Variants in FAP observed in about 807,000 individuals in gnomAD.
FAP encodes prolyl endopeptidase FAP.
A neutral mutation model predicts 126.5 loss-of-function variants in FAP; 110 were observed. The ratio of observed to expected loss-of-function variants is 0.87; its 90% CI spans 0.74 to 1.02. FAP has a LOEUF of 1.02. FAP is among the 50% of genes least tolerant of loss of function. The probability of loss-of-function intolerance (pLI) is 0.00; values close to 1 mark genes in which losing one functional copy is unlikely to be tolerated. For missense variants in FAP, 919 were observed against 909.2 expected (o/e 1.01, Z -0.14); for synonymous variants, 334 against 297.3 (o/e 1.12, Z -1.27).
At chr2:162,195,553 T>C (rs962681754) in intron 16 of FAP, among the ~76,000 whole-genome samples, 7 of 151,778 alleles carry the variant, frequency 4.6e-5, no homozygotes, top group Non-Finnish European at 8.8e-5. Flanking sequence ...CGTGCTCAGC[T>C]GTAAGTTGTC....
At chr2:162,198,486 C>A (rs1420870969) in intron 16 of FAP, 2 of 704,890 alleles carry the variant, frequency 2.8e-6, no homozygotes, top group Admixed American at 6.6e-5. Context: ...GAGGCAACAG[C>A]ACTTGCTTCA....
Position 162,170,696 on chromosome 2 carries a change from T to G in FAP, c.*283A>C. ...ACAGACAACACAATAGCACTTGAACTTCTGACTTTATTATTTTTCTTCAAA... is the reference window on the plus strand; with the variant it reads ...ACAGACAACACAATAGCACTTGAACGTCTGACTTTATTATTTTTCTTCAAA... On this transcript the variant is annotated 3_prime_UTR_variant, in exon 26 of 26. Coordinates refer to ENST00000188790, the MANE Select transcript of FAP (RefSeq NM_004460.5). 2 of 323,492 alleles carry G rather than the reference T, an allele frequency of 6.2e-6. No homozygotes were observed. Among genetic ancestry groups the G allele is most frequent in the South Asian group, 8.3e-5 (2 of 24,002 alleles). The allele number at this position is 323,492 out of a possible 1,614,324, so 20.0% of individuals were successfully genotyped here. A position where few individuals can be genotyped will look rare whatever the true frequency, so the allele number is the denominator to read the frequency against.
intron 2 of FAP, among the ~76,000 whole-genome samples, chr2:162,241,907 T>A (rs1371986065): frequency 6.6e-6 from 1 of 152,194 alleles, no homozygotes; most frequent in Non-Finnish European, 1.5e-5. Context: ...ATCTCATGAT[T>A]ATTTTTAATT....
chr2:162,216,067 T>A, intron 9 of FAP, 66 bp from the exon 10 acceptor site: 1 of 1,128,378 alleles, frequency 8.9e-7, no homozygotes, highest in South Asian at 1.3e-5. Context: ...TTAAAGAAAC[T>A]TTAGGAATTT....
chr2:162,219,859 A>T lies in FAP; in HGVS notation c.480T>A (p.Ser160Arg). 1 of 1,606,144 alleles carries T rather than the reference A, an allele frequency of 6.2e-7. No individual in the cohort carries two copies. Among genetic ancestry groups the T allele is most frequent in the East Asian group, 2.2e-5 (1 of 44,788 alleles). The change falls in exon 7 of 26, where the codon AGT becomes AGA. Residue 160 changes from serine to arginine, a missense_variant. By Grantham distance (110) the Ser-to-Arg change is moderately radical. Coordinates refer to ENST00000188790, the MANE Select transcript of FAP (RefSeq NM_004460.5). ...IQYLCWSPVGSKLAYVYQNNI... is the reference protein window; with the variant it reads ...IQYLCWSPVGRKLAYVYQNNI... ...CAAAAATTTAAACACTTACTAATTTACTCCCAACAGGCGACCAGCATAAAT... is the reference window on the plus strand; with the variant it reads ...CAAAAATTTAAACACTTACTAATTTTCTCCCAACAGGCGACCAGCATAAAT...
rs1171068550 is a variant in FAP, at chr2:162,219,836, A to G, written c.486+17T>C. 1.3e-6 allele frequency: 2 copies of G among 1,581,138 alleles called. No homozygotes were observed. Among genetic ancestry groups the G allele is most frequent in the Non-Finnish European group, 1.7e-6 (2 of 1,152,436 alleles). ...TTTATTTACATGATTAAACACTTCAAAAATTTAAACACTTACTAATTTACT... is the reference window on the plus strand; with the variant it reads ...TTTATTTACATGATTAAACACTTCAGAAATTTAAACACTTACTAATTTACT... On this transcript the variant is annotated intron_variant, in intron 7 of 25. Coordinates refer to ENST00000188790, the MANE Select transcript of FAP (RefSeq NM_004460.5).
chr2:162,213,602 T>C (rs911319756), intron 11 of FAP, among the ~76,000 whole-genome samples: 1 of 152,120 alleles, frequency 6.6e-6, no homozygotes, highest in African/African-American at 2.4e-5. Context: ...ATCTGCATTA[T>C]TTTGCTTTTT....
At chr2:162,181,104 G>A (rs964399041) in intron 21 of FAP, among the ~76,000 whole-genome samples, 1 of 151,920 alleles carries the variant, frequency 6.6e-6, no homozygotes, top group Non-Finnish European at 1.5e-5. Flanking sequence ...ACAAAATCTT[G>A]TCTCAAAAAC....
Position 162,213,999 on chromosome 2 carries a change from T to A in FAP, c.941A>T (p.Asn314Ile). 1 of 1,614,066 alleles carries A rather than the reference T, an allele frequency of 6.2e-7. No individual in the cohort carries two copies. Among genetic ancestry groups the A allele is most frequent in the Non-Finnish European group, 8.5e-7 (1 of 1,179,978 alleles). ...GTCACATATAGACAGGACCGAAACA[T>A]TCTGGACTCTTTTTAGCCACTGCAA... is the stretch of plus-strand genomic sequence containing the variant. ...VCLQWLKRVQ[N>I]VSVLSICDFR... The change falls in exon 11 of 26, where the codon AAT (asparagine) becomes ATT (isoleucine). Residue 314 changes from asparagine to isoleucine, a missense_variant. Transcript: ENST00000188790.
intron 2 of FAP, among the ~76,000 whole-genome samples, chr2:162,233,497 G>A (rs1461250650): frequency 1.3e-5 from 2 of 152,090 alleles, no homozygotes; most frequent in Non-Finnish European, 1.5e-5. Flanking sequence ...CATCATTCAT[G>A]TGCTTATTAG....
At chr2:162,218,516 A>G (rs992410591) in intron 8 of FAP, among the ~76,000 whole-genome samples, 10 of 152,184 alleles carry the variant, frequency 6.6e-5, no homozygotes, top group African/African-American at 2.4e-4. Flanking sequence ...ATTGAAAGTT[A>G]CATTTCCCTC....
At chr2:162,195,057 T>C (rs1043589030) in intron 16 of FAP, 46 of 369,810 alleles carry the variant, frequency 1.2e-4, no homozygotes, top group Non-Finnish European at 2.3e-4. Context: ...CAAATGGCCT[T>C]CTGGGAAGAT....
chr2:162,230,703 G>A (rs1187724146), intron 2 of FAP, among the ~76,000 whole-genome samples: 1 of 151,944 alleles, frequency 6.6e-6, no homozygotes, highest in African/African-American at 2.4e-5. Flanking sequence ...CCCTTGGAGT[G>A]TGCTTATATA....
rs777507452 is a variant in FAP at position 162,198,804 on chromosome 2, G to T, written c.1355C>A (p.Thr452Lys). ...HLRKERCQYY[T>K]ASFSDYAKYY... ...CTTGGCGTAGTCGCTGAAACTTGCT[G>T]TGTAATATTGGCACCTTTCTTTCCT... The change falls in exon 16 of 26, where the codon ACA becomes AAA. Residue 452 changes from threonine to lysine, a missense_variant. Thr to Lys is a moderately conservative substitution (Grantham distance 78). Transcript: ENST00000188790. The T allele has an allele frequency of 5.0e-6, 8 of 1,614,086 alleles. No individual in the cohort carries two copies. The highest frequency in any genetic ancestry group is 6.8e-6 in the Non-Finnish European group (8 of 1,179,956).
At position 162,226,576 on chromosome 2, in the gene FAP, T is replaced by A; in HGVS notation, c.137A>T (p.Asp46Val). 1.2e-6 allele frequency: 2 copies of A among 1,600,978 alleles called. No homozygotes were observed. The highest frequency in any genetic ancestry group is 2.3e-5 in the South Asian group (2 of 88,002). ...ATAAGAAAATGTTCCATTTAAAATA[T>A]CCTTCAGTGTGAGTGCTCTCATTGT... ...ENTMRALTLK[D>V]ILNGTFSYKT... is the part of the protein sequence containing the mutation. Residue 46 changes from aspartate to valine, a missense_variant, in exon 3 of 26, where the codon GAT becomes GTT. Transcript: ENST00000188790.
chr2:162,170,874 T>C lies in FAP; in HGVS notation c.*105A>G. 1 of 800,250 alleles carries C rather than the reference T, an allele frequency of 1.2e-6. No individual in the cohort carries two copies. The allele number at this position is 800,250 out of a possible 1,614,324, so 49.6% of individuals were successfully genotyped here. A position where few individuals can be genotyped will look rare whatever the true frequency, so the allele number is the denominator to read the frequency against. On this transcript the variant is annotated 3_prime_UTR_variant, in exon 26 of 26. Coordinates refer to ENST00000188790, the MANE Select transcript of FAP (RefSeq NM_004460.5). Reference sequence around the variant, plus strand: ...GCCTTTAGAACAACATTAATTTGTTTGTTTATACTAGCATTTTACAACATA... The same window carrying C: ...GCCTTTAGAACAACATTAATTTGTTCGTTTATACTAGCATTTTACAACATA...
At chr2:162,188,989 C>G in intron 19 of FAP, 114 bp downstream of exon 19, 1 of 525,168 alleles carries the variant, frequency 1.9e-6, no homozygotes, top group East Asian at 3.2e-5. Flanking sequence ...TATATAAAAA[C>G]AGCATCAATA....
intron 15 of FAP, among the ~76,000 whole-genome samples, chr2:162,200,268 G>A (rs746713228): frequency 6.6e-6 from 1 of 152,154 alleles, no homozygotes; most frequent in South Asian, 2.1e-4. Flanking sequence ...GTTAAATAAA[G>A]AAATGTCCTC....
chr2:162,197,708 G>C, intron 16 of FAP: 1 of 453,748 alleles, frequency 2.2e-6, no homozygotes, highest in Non-Finnish European at 4.4e-6. Context: ...CTTCATTCTG[G>C]TTCCCTTTAT....
Sources: allele counts gnomAD v4.1 joint callset (sites outside exome capture counted in the v4.1 genomes callset), GRCh38; gene constraint gnomAD v4.1.1; transcripts MANE v1.5; gene names NCBI Gene and HGNC (gene_info 2026-07-23, HGNC 2026-07-21).